GRM4: variants seen among roughly 807,000 people sequenced by gnomAD.
The protein encoded by GRM4 is metabotropic glutamate receptor 4.
GRM4 carries 28 observed loss-of-function variants against 81.7 expected under a neutral mutation model. The ratio of observed to expected loss-of-function variants is 0.34; its 90% CI spans 0.25 to 0.47. The LOEUF is 0.47. Among genes scored for constraint, GRM4 ranks in the 20% least tolerant of loss-of-function variants. The pLI is 1.00. For missense variants in GRM4, 948 were observed against 1,290.0 expected (o/e 0.73, Z 4.06); for synonymous variants, 488 against 528.8 (o/e 0.92, Z 1.06).
chr6:34,149,847 T>C (rs1771009892), upstream of GRM4, among the ~76,000 whole-genome samples: 2 of 152,172 alleles, frequency 1.3e-5, no homozygotes, highest in Non-Finnish European at 2.9e-5. Context: ...AAATCCGAAA[T>C]GCTCTGAAAG....
rs867214427 is a variant in GRM4, at chr6:34,112,593, C to G, written c.519+20385G>C. 3.3e-5 allele frequency among the ~76,000 whole-genome samples: 5 copies of G among 152,090 alleles called. No individual in the cohort carries two copies. The East Asian group carries it at 7.7e-4, about 23-fold the overall frequency. ...GAAGGTGGGGAGTGTGAGCTTCCCC[C>G]CAAATGAGGACACTTTAGTGCCCAT... is the stretch of plus-strand genomic sequence containing the variant. On this transcript the variant is annotated intron_variant, in intron 2 of 10. Transcript: ENST00000538487.
chr6:34,155,528 T>G (rs1004086936), exon 1 of GRM4: 12 of 560,054 alleles, frequency 2.1e-5, no homozygotes, highest in Non-Finnish European at 2.1e-5. Flanking sequence ...TTAAAATCTG[T>G]TTTTTTGTTT....
chr6:34,053,461 CAGAG>C (rs1376902516), intron 6 of GRM4, among the ~76,000 whole-genome samples: 1 of 152,136 alleles, frequency 6.6e-6, no homozygotes, highest in Non-Finnish European at 1.5e-5. Context: ...CAGAGATAGA[CAGAG>C]AGGCTCACAG....
rs1285367637 is a variant in GRM4 at position 34,117,207 on chromosome 6, G to A, written c.519+15771C>T. On this transcript the variant is annotated intron_variant, in intron 2 of 10. Transcript: ENST00000538487. Reference sequence around the variant, plus strand: ...TGAAAAGGCAGACAGAGCATTCTTCGGGGCAGGTGGACCATCAGAAGCAGA... The same window carrying A: ...TGAAAAGGCAGACAGAGCATTCTTCAGGGCAGGTGGACCATCAGAAGCAGA... 6.6e-5 allele frequency among the ~76,000 whole-genome samples: 10 copies of A among 152,330 alleles called. No individual in the cohort carries two copies. The South Asian group carries it at 8.3e-4, about 13-fold the overall frequency.
intron 1 of GRM4, among the ~76,000 whole-genome samples, chr6:34,141,469 C>T (rs957054096): frequency 2.0e-5 from 3 of 152,156 alleles, no homozygotes; most frequent in Admixed American, 6.5e-5. Context: ...CACTGCGTTC[C>T]CCAATTTATT....
chr6:34,028,153 T>TG lies in GRM4; in HGVS notation c.2655dup (p.Lys886GlnfsTer3). The TG allele has an allele frequency of 6.2e-7, 1 of 1,613,878 alleles. No individual in the cohort carries two copies. The highest frequency in any genetic ancestry group is 2.2e-5 in the East Asian group (1 of 44,864). On this transcript the variant is annotated frameshift_variant, in exon 10 of 11. Transcript: ENST00000538487. LOFTEE classifies it high-confidence loss of function. ...TCAAGGTTCTCGCAGAGCTCAGACT[T>TG]GGCCTCTCCGTTGGGCCGGAAGTTG...
At chr6:34,118,668 G>A (rs750343672) in intron 2 of GRM4, among the ~76,000 whole-genome samples, 1 of 152,234 alleles carries the variant, frequency 6.6e-6, no homozygotes, top group African/African-American at 2.4e-5. Context: ...TCCCATTGCA[G>A]TTTCTAAGAA....
chr6:34,065,986 A>G (rs1407981496), intron 3 of GRM4, among the ~76,000 whole-genome samples: 1 of 151,846 alleles, frequency 6.6e-6, no homozygotes, highest in Non-Finnish European at 1.5e-5. Context: ...CAGCCCGCCC[A>G]GGTTCCACAC....
chr6:34,113,295 G>A (rs1427222816), intron 2 of GRM4, among the ~76,000 whole-genome samples: 1 of 151,900 alleles, frequency 6.6e-6, no homozygotes, highest in Non-Finnish European at 1.5e-5. Context: ...GGGACCACAG[G>A]TGCTCACCAC....
At chr6:34,155,260 C>T (rs780623697) in exon 1 of GRM4, 11 of 1,534,268 alleles carry the variant, frequency 7.2e-6, no homozygotes, top group Middle Eastern at 1.7e-4. Flanking sequence ...GGGCGGGAGG[C>T]GGCAGGTGAG....
intron 1 of GRM4, among the ~76,000 whole-genome samples, chr6:34,135,178 G>A (rs1280123184): frequency 6.6e-6 from 1 of 152,170 alleles, no homozygotes; most frequent in African/African-American, 2.4e-5. Context: ...CCAAGCCGTG[G>A]TCTCAGGGTC....
At chr6:34,132,120 T>C (rs956601287) in intron 2 of GRM4, among the ~76,000 whole-genome samples, 18 of 152,218 alleles carry the variant, frequency 1.2e-4, no homozygotes, top group South Asian at 2.1e-4. Context: ...TTGGCTCCAA[T>C]TGAATTGCAA....
At position 34,090,976 on chromosome 6, in the gene GRM4, G is replaced by T. The variant is rs1054249673; in HGVS notation, c.736+907C>A. ...TCCCCACTTCCCCCACACACAACAG[G>T]GCCCCGAGGAAGTCACAGGCACCAT... is the stretch of plus-strand genomic sequence containing the variant. On this transcript the variant is annotated intron_variant, in intron 3 of 10. Transcript: ENST00000538487. This position sits in a 1 kb window ranked among gnomAD's most constrained non-coding sequence, Gnocchi z 5.2. Among the ~76,000 whole-genome samples the T allele has an allele frequency of 3.3e-5, 5 of 151,978 alleles. No individual in the cohort carries two copies. Among genetic ancestry groups the T allele is most frequent in the African/African-American group, 9.7e-5 (4 of 41,370 alleles).
intron 2 of GRM4, among the ~76,000 whole-genome samples, chr6:34,095,587 GTAAGCAC>G (rs1372145454): frequency 1.3e-5 from 2 of 152,212 alleles, no homozygotes; most frequent in African/African-American, 4.8e-5. Flanking sequence ...CTGGCAGGCG[GTAAGCAC>G]TAAGGGTCAG....
chr6:34,056,433 CACGGCCGGCCG>C (rs1052295341), intron 6 of GRM4, 100 bp downstream of exon 6: 2 of 1,016,490 alleles, frequency 2.0e-6, no homozygotes, highest in Non-Finnish European at 1.4e-6. Flanking sequence ...CACGTCCTGC[CACGGCCGGCCG>C]ACGACAGACA....
chr6:34,132,740 A>G (rs1044019275), intron 2 of GRM4, among the ~76,000 whole-genome samples: 1 of 152,190 alleles, frequency 6.6e-6, no homozygotes, highest in Non-Finnish European at 1.5e-5. Flanking sequence ...TCAGCGCCAC[A>G]AGGCTGGGTC....
chr6:34,071,992 C>T (rs1766912012), intron 3 of GRM4, among the ~76,000 whole-genome samples: 1 of 840 alleles, frequency 1.2e-3, no homozygotes, highest in Non-Finnish European at 2.9e-3. Context: ...CACACATCAC[C>T]ACAAAAATAC....
chr6:34,125,920 C>A (rs1354726219), intron 2 of GRM4, among the ~76,000 whole-genome samples: 2 of 152,230 alleles, frequency 1.3e-5, no homozygotes, highest in Non-Finnish European at 2.9e-5. Context: ...TTCTCTCCAT[C>A]CCCAGCACCT....
chr6:34,148,790 C>T (rs964024872), upstream of GRM4, among the ~76,000 whole-genome samples: 3 of 152,208 alleles, frequency 2.0e-5, no homozygotes, highest in Non-Finnish European at 4.4e-5. Context: ...GGGCCAAGGT[C>T]TCCCTAAGGA....
Sources: allele counts gnomAD v4.1 joint callset (sites outside exome capture counted in the v4.1 genomes callset), GRCh38; gene constraint gnomAD v4.1.1; non-coding constraint Gnocchi (gnomAD v3.1); transcripts MANE v1.5; gene names NCBI Gene and HGNC (gene_info 2026-07-23, HGNC 2026-07-21).